Variants in RANGAP1 observed in about 807,000 individuals in gnomAD.
RANGAP1 encodes Ran GTPase activating protein 1.
In RANGAP1, 38 loss-of-function variants were observed where a neutral mutation model predicts 63.5. The observed-to-expected ratio is 0.60, with a 90% CI of 0.46 to 0.78. The LOEUF (loss-of-function observed/expected upper bound fraction) is 0.78, where lower values mean the gene tolerates loss of function less well. Ranked by LOEUF, RANGAP1 falls within the 30% of genes least tolerant of loss-of-function variation. RANGAP1 has a pLI of 0.00. For missense variants in RANGAP1, 630 were observed against 740.3 expected (o/e 0.85, Z 1.73); for synonymous variants, 329 against 310.5 (o/e 1.06, Z -0.63).
the RANGAP1 span, among the ~76,000 whole-genome samples, chr22:41,299,137 ATT>A: frequency 6.8e-6 from 1 of 146,070 alleles, no homozygotes; most frequent in African/African-American, 2.5e-5. Context: ...CAACATATGA[ATT>A]TTTTTTTTTT....
the RANGAP1 span, among the ~76,000 whole-genome samples, chr22:41,296,647 CAAA>C: frequency 3.9e-5 from 3 of 76,848 alleles, no homozygotes; most frequent in Non-Finnish European, 2.7e-5. Context: ...ACTCCATCTC[CAAA>C]AAAAAAAAAA....
intron 11 of RANGAP1, among the ~76,000 whole-genome samples, chr22:41,254,024 C>T (rs1317958858): frequency 2.6e-5 from 4 of 151,616 alleles, no homozygotes; most frequent in African/African-American, 9.7e-5. Flanking sequence ...ATAAGAATCA[C>T]TTGAACCCGG....
chr22:41,277,962 G>A (rs1348792407), intron 2 of RANGAP1, among the ~76,000 whole-genome samples: 1 of 152,080 alleles, frequency 6.6e-6, no homozygotes, highest in African/African-American at 2.4e-5. Context: ...CTTACAAAAT[G>A]GGAGACACCA....
rs143866878 is a variant in RANGAP1, at chr22:41,258,025, C to A, written c.697G>T (p.Ala233Ser). The A allele has an allele frequency of 3.1e-6, 5 of 1,612,890 alleles. No individual in the cohort carries two copies. Among genetic ancestry groups the A allele is most frequent in the Non-Finnish European group, 4.2e-6 (5 of 1,179,460 alleles). ...PGITALAQAF[A>S]VNPLLRVINL... Reference sequence around the variant, plus strand: ...ATGACCCGCAGCAGGGGGTTGACAGCGAAAGCCTGGGCCAGGGCAGTGATG... The same window carrying A: ...ATGACCCGCAGCAGGGGGTTGACAGAGAAAGCCTGGGCCAGGGCAGTGATG... Residue 233 changes from alanine to serine, a missense_variant, in exon 7 of 16, where the codon GCT becomes TCT. By Grantham distance (99) the Ala-to-Ser change is moderately conservative. Around this residue, in one of 3 missense-constraint regions of RANGAP1, gnomAD observed 428 missense variants for 465.5 expected, o/e 0.92. Transcript: ENST00000356244.
intron 1 of RANGAP1, among the ~76,000 whole-genome samples, chr22:41,283,220 G>A (rs2035585452): frequency 8.1e-6 from 1 of 124,062 alleles, no homozygotes; most frequent in African/African-American, 2.8e-5. Context: ...AAAAAGGGGG[G>A]GGTTGGGGGG....
chr22:41,264,328 G>A (rs1456895235), intron 5 of RANGAP1, among the ~76,000 whole-genome samples: 1 of 152,198 alleles, frequency 6.6e-6, no homozygotes, highest in Non-Finnish European at 1.5e-5. Context: ...GACTCCCTCT[G>A]CCTATGTGCC....
rs540206551 is a variant in RANGAP1 at position 41,250,923 on chromosome 22, G to A, written c.1483+84C>T. 9 of 1,162,254 alleles carry A rather than the reference G, an allele frequency of 7.7e-6. No individual in the cohort carries two copies. In the East Asian group the frequency reaches 1.9e-4, roughly 24 times the overall value. The allele number at this position is 1,162,254 out of a possible 1,614,324, so 72.0% of individuals were successfully genotyped here. On this transcript the variant is annotated intron_variant, in intron 13 of 15. Coordinates refer to ENST00000356244, the MANE Select transcript of RANGAP1 (RefSeq NM_002883.4). ...TTCCCATGAGAGCGCTGGGGCTGAC[G>A]AGTTACGGCAACCACGAAGGATACC...
At chr22:41,295,134 C>T in the RANGAP1 span, among the ~76,000 whole-genome samples, 1 of 136,026 alleles carries the variant, frequency 7.4e-6, no homozygotes, top group Admixed American at 6.8e-5. Flanking sequence ...GGCGCCTCTG[C>T]CCGGCCGCCC....
chr22:41,284,204 G>A (rs923984795), intron 1 of RANGAP1, among the ~76,000 whole-genome samples: 6 of 151,746 alleles, frequency 4.0e-5, no homozygotes, highest in South Asian at 2.1e-4. Flanking sequence ...CTGAGATTGC[G>A]CCACTGCACT....
Position 41,261,594 on chromosome 22 carries a change from C to T in RANGAP1, c.481-14G>A, listed in dbSNP as rs199767978. The T allele has an allele frequency of 2.0e-5, 32 of 1,614,184 alleles. 1 individual carries two copies. The East Asian group carries it at 6.9e-4, about 35-fold the overall frequency. On this transcript the variant is annotated splice_polypyrimidine_tract_variant and intron_variant, in intron 5 of 15. Coordinates refer to ENST00000356244, the MANE Select transcript of RANGAP1 (RefSeq NM_002883.4). Reference sequence around the variant, plus strand: ...TGCAGCCAGGATCTGTGGGGAAAGGCAAGGGGCCCTGGTCATGGGCAGGAG... The same window carrying T: ...TGCAGCCAGGATCTGTGGGGAAAGGTAAGGGGCCCTGGTCATGGGCAGGAG...
upstream of RANGAP1, among the ~76,000 whole-genome samples, chr22:41,289,478 C>T (rs2145874834): frequency 6.6e-6 from 1 of 152,064 alleles, no homozygotes; most frequent in East Asian, 2.0e-4. Context: ...AAAAAATTAG[C>T]TGGGCATGGT....
chr22:41,281,576 C>T (rs761327492), intron 1 of RANGAP1: 3 of 988,258 alleles, frequency 3.0e-6, no homozygotes, highest in Non-Finnish European at 3.6e-6. Context: ...GCTGGCATGA[C>T]TCTGGGGTGG....
the RANGAP1 span, among the ~76,000 whole-genome samples, chr22:41,291,423 C>T: frequency 1.3e-5 from 2 of 151,262 alleles, no homozygotes; most frequent in African/African-American, 2.4e-5. Context: ...TGGTGAAACC[C>T]TGTCTCTACT....
At chr22:41,272,957 T>C (rs568420010) in intron 3 of RANGAP1, among the ~76,000 whole-genome samples, 2 of 152,162 alleles carry the variant, frequency 1.3e-5, no homozygotes, top group East Asian at 3.9e-4. Context: ...GGACCATAGG[T>C]GCACACCACC....
In RANGAP1 at chr22:41,261,493, T is replaced by C; in HGVS notation, c.568A>G (p.Asn190Asp). 6.2e-7 allele frequency: 1 copy of C among 1,614,236 alleles called. No homozygotes were observed. The highest frequency in any genetic ancestry group is 8.5e-7 in the Non-Finnish European group (1 of 1,180,036). ...LALKVFVAGR[N>D]RLENDGATAL... is the part of the protein sequence containing the mutation. ...GTGGCGCCATCATTCTCCAGACGGTTTCTGCCAGCCACAAAGACCTTCAGG... is the reference window on the plus strand; with the variant it reads ...GTGGCGCCATCATTCTCCAGACGGTCTCTGCCAGCCACAAAGACCTTCAGG... The change falls in exon 6 of 16, where the codon AAC (asparagine) becomes GAC (aspartate). Residue 190 changes from asparagine to aspartate, a missense_variant. Asn to Asp is a conservative substitution (Grantham distance 23). Coordinates refer to ENST00000356244, the MANE Select transcript of RANGAP1 (RefSeq NM_002883.4).
In RANGAP1 at chr22:41,268,919, G is replaced by A. The variant is rs748053363; in HGVS notation, c.241-763C>T. ...AAAATACAAAAATTAGCATAGTGAC[G>A]GGGACTTTTTAACAAAGGGAGAGCA... On this transcript the variant is annotated intron_variant, in intron 3 of 15. Transcript: ENST00000356244. Among the ~76,000 whole-genome samples, 7 of 152,238 alleles carry A rather than the reference G, an allele frequency of 4.6e-5. 1 individual carries two copies. The East Asian group carries it at 5.8e-4, about 13-fold the overall frequency.
At chr22:41,260,975 G>T (rs76167270) in intron 6 of RANGAP1, among the ~76,000 whole-genome samples, 164 of 152,318 alleles carry the variant, frequency 1.1e-3, no homozygotes, top group Admixed American at 1.8e-3. Context: ...GAGGAGAGTG[G>T]AAGAGGAGTG....
the RANGAP1 span, among the ~76,000 whole-genome samples, chr22:41,295,695 T>C: frequency 1.7e-5 from 2 of 114,292 alleles, no homozygotes; most frequent in African/African-American, 3.0e-5. Flanking sequence ...GAATGATCAA[T>C]TAAAAAAAAA....
chr22:41,254,797 C>A (rs1010916441), intron 10 of RANGAP1: 60 of 271,070 alleles, frequency 2.2e-4, no homozygotes, highest in African/African-American at 1.3e-3. Flanking sequence ...GTGGTGAAAC[C>A]CCGTCTCTAC....
Sources: allele counts gnomAD v4.1 joint callset (sites outside exome capture counted in the v4.1 genomes callset), GRCh38; gene constraint gnomAD v4.1.1; regional missense constraint gnomAD v4.1.1; transcripts MANE v1.5; gene names NCBI Gene and HGNC (gene_info 2026-07-23, HGNC 2026-07-21).